Variants in PDE3A observed in about 807,000 individuals in gnomAD.
PDE3A encodes the protein cGMP-inhibited 3',5'-cyclic phosphodiesterase 3A.
PDE3A carries 43 observed loss-of-function variants against 98.3 expected under a neutral mutation model. The observed-to-expected ratio is 0.44, with a 90% CI of 0.34 to 0.56. The LOEUF (loss-of-function observed/expected upper bound fraction) is 0.56. Ranked by LOEUF, PDE3A falls within the 20% of genes least tolerant of loss-of-function variation. The pLI is 0.01. For missense variants in PDE3A, 1,427 were observed against 1,440.7 expected (o/e 0.99, Z 0.15); for synonymous variants, 663 against 567.9 (o/e 1.17, Z -2.38).
chr12:20,641,930 A>T (rs1198497438), intron 10 of PDE3A, among the ~76,000 whole-genome samples: 3 of 152,112 alleles, frequency 2.0e-5, no homozygotes, highest in African/African-American at 7.2e-5. Flanking sequence ...TTCATTTGTG[A>T]TCACTTTTAT....
At chr12:20,428,785 A>G (rs954369043) in intron 1 of PDE3A, among the ~76,000 whole-genome samples, 3 of 152,188 alleles carry the variant, frequency 2.0e-5, no homozygotes, top group African/African-American at 7.2e-5. Flanking sequence ...ATAAAGAAGT[A>G]GGTCAAAAAA....
At chr12:20,568,440 G>T (rs909918716) in intron 2 of PDE3A, among the ~76,000 whole-genome samples, 10 of 151,880 alleles carry the variant, frequency 6.6e-5, no homozygotes, top group African/African-American at 2.4e-4. Flanking sequence ...TTTATGCACT[G>T]GTGGTTGTGG....
At position 20,637,385 on chromosome 12, in the gene PDE3A, G is replaced by A. The variant is rs564979529; in HGVS notation, c.2139+148G>A. On this transcript the variant is annotated intron_variant, in intron 9 of 15. Transcript: ENST00000359062. ...CACAACATTCTGTAGATTCCTTGCT[G>A]TGTGTTAACAAAAGAAACTGGAACT... The A allele has an allele frequency of 1.6e-5, 8 of 513,868 alleles. No homozygotes were observed. In the African/African-American group the frequency reaches 1.6e-4, roughly 10 times the overall value. The allele number at this position is 513,868 out of a possible 1,614,324, so 31.8% of individuals were successfully genotyped here.
chr12:20,653,373 A>AT (rs71039965), intron 14 of PDE3A, among the ~76,000 whole-genome samples: 12,160 of 147,580 alleles, frequency 0.082, 505 homozygotes, highest in African/African-American at 0.12. Flanking sequence ...TCACTATTGC[A>AT]TTTTTTTTTT....
At chr12:20,536,898 A>G (rs1359062297) in intron 1 of PDE3A, among the ~76,000 whole-genome samples, 1 of 152,122 alleles carries the variant, frequency 6.6e-6, no homozygotes, top group African/African-American at 2.4e-5. Context: ...TCTCTGGAAT[A>G]TACATCTAGA....
intron 1 of PDE3A, among the ~76,000 whole-genome samples, chr12:20,473,562 A>G (rs1945478085): frequency 6.6e-6 from 1 of 152,196 alleles, no homozygotes; most frequent in African/African-American, 2.4e-5. Flanking sequence ...ATAAAACATT[A>G]TCAGTGACTA....
Position 20,669,646 on chromosome 12 carries a change from T to G in PDE3A, c.3185-10384T>G, listed in dbSNP as rs563898766. On this transcript the variant is annotated intron_variant, in intron 15 of 15. Coordinates refer to ENST00000359062, the MANE Select transcript of PDE3A (RefSeq NM_000921.5). ...ATAAAATACTTTACAGACAAGCAAA[T>G]GCTGAGAGATTTTGTCACCACCAGG... is the stretch of plus-strand genomic sequence containing the variant. 5.9e-4 allele frequency among the ~76,000 whole-genome samples: 89 copies of G among 151,686 alleles called. No individual in the cohort carries two copies. The Middle Eastern group carries it at 0.01, about 18-fold the overall frequency.
At position 20,687,537 on chromosome 12, in the gene PDE3A, A is replaced by G. The variant is rs556098119; in HGVS notation, c.*7266A>G. On this transcript the variant is annotated 3_prime_UTR_variant, in exon 16 of 16. Coordinates refer to ENST00000359062, the MANE Select transcript of PDE3A (RefSeq NM_000921.5). ...ACTTATGACTGTCAGTTTATGTCTT[A>G]ATGTATTCTCACAGAAGAATGCATA... 3.9e-5 allele frequency among the ~76,000 whole-genome samples: 6 copies of G among 152,038 alleles called. No individual in the cohort carries two copies. Among genetic ancestry groups the G allele is most frequent in the African/African-American group, 1.4e-4 (6 of 41,502 alleles).
chr12:20,674,751 G>T (rs1565473682), intron 15 of PDE3A, among the ~76,000 whole-genome samples: 1 of 151,844 alleles, frequency 6.6e-6, no homozygotes, highest in African/African-American at 2.4e-5. Flanking sequence ...GTTCAAAATA[G>T]TCTCTGATAC....
intron 1 of PDE3A, among the ~76,000 whole-genome samples, chr12:20,537,039 C>T (rs920102474): frequency 2.0e-5 from 3 of 151,980 alleles, no homozygotes; most frequent in Admixed American, 2.0e-4. Flanking sequence ...TCTCCACATC[C>T]TCAACAACAC....
intron 15 of PDE3A, among the ~76,000 whole-genome samples, chr12:20,664,400 AAGCTGTCTACC>A (rs1425686909): frequency 1.3e-5 from 2 of 152,160 alleles, no homozygotes; most frequent in East Asian, 3.9e-4. Flanking sequence ...CCTCTCTTCT[AAGCTGTCTACC>A]AGCTGCCTAC....
chr12:20,397,887 G>A (rs1300396566), intron 1 of PDE3A, among the ~76,000 whole-genome samples: 2 of 152,062 alleles, frequency 1.3e-5, no homozygotes, highest in African/African-American at 2.4e-5. Flanking sequence ...GCAAATGAAT[G>A]AAAATAAAAG....
intron 2 of PDE3A, among the ~76,000 whole-genome samples, chr12:20,601,230 TTTTGTTTGTTTGTTTGTTTG>T (rs72133519): frequency 6.6e-6 from 1 of 151,318 alleles, no homozygotes; most frequent in Non-Finnish European, 1.5e-5. Context: ...CTCCAAGGCT[TTTTGTTTGTTTGTTTGTTTG>T]TTTGTTTGTT....
At chr12:20,499,876 C>A (rs1945990841) in intron 1 of PDE3A, among the ~76,000 whole-genome samples, 1 of 152,110 alleles carries the variant, frequency 6.6e-6, no homozygotes, top group Non-Finnish European at 1.5e-5. Flanking sequence ...GGCATTTTAG[C>A]TGTACGCTTG....
chr12:20,392,070 T>C (rs1197727920), intron 1 of PDE3A, among the ~76,000 whole-genome samples: 1 of 151,700 alleles, frequency 6.6e-6, no homozygotes, highest in Non-Finnish European at 1.5e-5. Flanking sequence ...CTGCACTTGC[T>C]TTTTTTTGTC....
At chr12:20,610,118 A>G (rs1344118322) in intron 2 of PDE3A, among the ~76,000 whole-genome samples, 2 of 9,762 alleles carry the variant, frequency 2.0e-4, no homozygotes, top group Non-Finnish European at 4.3e-3. Context: ...CAACTGACAG[A>G]CTGGGAAAAA....
intron 1 of PDE3A, among the ~76,000 whole-genome samples, chr12:20,381,306 T>C (rs1309810331): frequency 6.6e-6 from 1 of 151,816 alleles, no homozygotes; most frequent in Non-Finnish European, 1.5e-5. Flanking sequence ...CATTCAGATA[T>C]GAAAACCACC....
chr12:20,621,615 C>A (rs1425691166), intron 5 of PDE3A, among the ~76,000 whole-genome samples: 1 of 151,982 alleles, frequency 6.6e-6, no homozygotes, highest in Non-Finnish European at 1.5e-5. Context: ...AATACAGATT[C>A]CTTCAAAGTT....
rs1946028591 is a variant in PDE3A at position 20,688,112 on chromosome 12, A to C, written c.*7841A>C. On this transcript the variant is annotated 3_prime_UTR_variant, in exon 16 of 16. Transcript: ENST00000359062. ...TCATTTGTACATGACAATTTTTAACAATGTAATTCTTACCACTCTCGACAG... is the reference window on the plus strand; with the variant it reads ...TCATTTGTACATGACAATTTTTAACCATGTAATTCTTACCACTCTCGACAG... Among the ~76,000 whole-genome samples the C allele has an allele frequency of 6.6e-6, 1 of 151,968 alleles. No individual in the cohort carries two copies.
Sources: allele counts gnomAD v4.1 joint callset (sites outside exome capture counted in the v4.1 genomes callset), GRCh38; gene constraint gnomAD v4.1.1; transcripts MANE v1.5; gene names NCBI Gene and HGNC (gene_info 2026-07-23, HGNC 2026-07-21).